The following SGCZ variants were observed in gnomAD, a reference collection of about 807,000 sequenced individuals.
SGCZ encodes the protein sarcoglycan zeta.
SGCZ carries 40 observed loss-of-function variants against 41.3 expected under a neutral mutation model. The observed-to-expected ratio is 0.97, with a 90% CI of 0.75 to 1.26. SGCZ has a LOEUF of 1.26. Ranked by LOEUF, SGCZ falls within the 50% of genes most tolerant of loss-of-function variation. SGCZ has a pLI of 0.00. For synonymous variants in SGCZ, 206 were observed against 137.5 expected (o/e 1.50, Z -3.49); for missense variants, 552 against 369.8 (o/e 1.49, Z -4.04).
intron 4 of SGCZ, among the ~76,000 whole-genome samples, chr8:14,168,240 G>C (rs1450017261): frequency 6.6e-6 from 1 of 152,116 alleles, no homozygotes; most frequent in Non-Finnish European, 1.5e-5. Flanking sequence ...GAAATTCCTG[G>C]TTTAGAATTG....
At chr8:15,159,927 G>C (rs556423591) in intron 1 of SGCZ, among the ~76,000 whole-genome samples, 2 of 151,826 alleles carry the variant, frequency 1.3e-5, no homozygotes, top group East Asian at 1.9e-4. Context: ...AGGCACTTAG[G>C]GGGAAAAAGG....
At chr8:15,159,337 A>AC (rs1381835682) in intron 1 of SGCZ, among the ~76,000 whole-genome samples, 2 of 151,928 alleles carry the variant, frequency 1.3e-5, no homozygotes, top group Non-Finnish European at 2.9e-5. Context: ...AAACTGAAAA[A>AC]AACATGGTTC....
chr8:15,220,587 T>C (rs1290560677), intron 1 of SGCZ, among the ~76,000 whole-genome samples: 2 of 152,120 alleles, frequency 1.3e-5, no homozygotes, highest in African/African-American at 2.4e-5. Context: ...AGTTCAACCA[T>C]TGTGGAAGAC....
At chr8:15,062,566 T>A (rs1014575767) in intron 1 of SGCZ, among the ~76,000 whole-genome samples, 1 of 152,158 alleles carries the variant, frequency 6.6e-6, no homozygotes, top group South Asian at 2.1e-4. Flanking sequence ...CTATTTCACT[T>A]ACTTTGGGAA....
intron 1 of SGCZ, among the ~76,000 whole-genome samples, chr8:15,120,582 A>G (rs1563136833): frequency 6.6e-6 from 1 of 152,206 alleles, no homozygotes. Context: ...TGATAATGTT[A>G]GCAATCTGGT....
In SGCZ at chr8:14,108,230, C is replaced by G; in HGVS notation, c.553G>C (p.Glu185Gln). ...ACAGAGTGCCCAAATACGGCTCCTT[C>G]AGTGCCTGGGGGTAGCATGAATATA... is the stretch of plus-strand genomic sequence containing the variant. ...GAEKLKVTGT[E>Q]GAVFGHSVET... The change falls in exon 6 of 8, where the codon GAA becomes CAA. Residue 185 changes from glutamate to glutamine, a missense_variant. Physicochemically the swap from Glu to Gln is conservative, Grantham distance 29. Coordinates refer to ENST00000382080, the MANE Select transcript of SGCZ (RefSeq NM_139167.4). 2 of 1,614,110 alleles carry G rather than the reference C, an allele frequency of 1.2e-6. No individual in the cohort carries two copies. The highest frequency in any genetic ancestry group is 2.2e-5 in the South Asian group (2 of 91,078).
chr8:15,142,662 G>A (rs755292045), intron 1 of SGCZ, among the ~76,000 whole-genome samples: 3 of 107,526 alleles, frequency 2.8e-5, no homozygotes, highest in Admixed American at 1.0e-4. Context: ...AATGCTTCCC[G>A]CCCCCACCCC....
chr8:15,153,345 G>A (rs1340784626), intron 1 of SGCZ, among the ~76,000 whole-genome samples: 1 of 152,184 alleles, frequency 6.6e-6, no homozygotes, highest in East Asian at 1.9e-4. Context: ...TGAAGCCAAA[G>A]TGGAATGTGC....
intron 3 of SGCZ, among the ~76,000 whole-genome samples, chr8:14,299,936 C>T (rs1031756040): frequency 5.9e-5 from 9 of 151,816 alleles, no homozygotes; most frequent in Admixed American, 2.6e-4. Flanking sequence ...GCTGAATGAT[C>T]AAACGTGGAT....
At chr8:14,518,143 A>G (rs1802680107) in intron 2 of SGCZ, among the ~76,000 whole-genome samples, 1 of 151,958 alleles carries the variant, frequency 6.6e-6, no homozygotes, top group African/African-American at 2.4e-5. Flanking sequence ...CTAAAAATAT[A>G]TTTCATCCCA....
intron 2 of SGCZ, among the ~76,000 whole-genome samples, chr8:14,450,164 C>A (rs545748415): frequency 2.0e-5 from 3 of 152,152 alleles, no homozygotes; most frequent in Non-Finnish European, 2.9e-5. Context: ...AAGGCCATGG[C>A]TGTGTGATGA....
chr8:14,293,902 A>C (rs1366937248), intron 3 of SGCZ, among the ~76,000 whole-genome samples: 1 of 151,830 alleles, frequency 6.6e-6, no homozygotes, highest in Non-Finnish European at 1.5e-5. Flanking sequence ...TAAAATATTT[A>C]TTTTAATAAA....
chr8:14,126,015 C>T (rs1046709769), intron 5 of SGCZ, among the ~76,000 whole-genome samples: 1 of 152,140 alleles, frequency 6.6e-6, no homozygotes, highest in African/African-American at 2.4e-5. Flanking sequence ...AAACCCAAAA[C>T]CATAAAAACC....
At chr8:15,082,074 C>T (rs1805771271) in intron 1 of SGCZ, among the ~76,000 whole-genome samples, 1 of 151,830 alleles carries the variant, frequency 6.6e-6, no homozygotes, top group Non-Finnish European at 1.5e-5. Flanking sequence ...ACTAAAAATA[C>T]AAAAATTAGC....
chr8:14,568,387 CTTAAAT>C (rs1804445620), intron 1 of SGCZ, among the ~76,000 whole-genome samples: 1 of 132,588 alleles, frequency 7.5e-6, no homozygotes, highest in South Asian at 2.4e-4. Flanking sequence ...TATCCCAGAA[CTTAAAT>C]TTAAAGAAAG....
intron 4 of SGCZ, among the ~76,000 whole-genome samples, chr8:14,220,834 G>A (rs1363601637): frequency 6.6e-6 from 1 of 151,818 alleles, no homozygotes; most frequent in Non-Finnish European, 1.5e-5. Flanking sequence ...AAAAAAGATT[G>A]TAGCCACTTC....
intron 2 of SGCZ, among the ~76,000 whole-genome samples, chr8:14,406,908 T>C (rs1799226241): frequency 6.6e-6 from 1 of 152,162 alleles, no homozygotes; most frequent in African/African-American, 2.4e-5. Context: ...ATACTGCTAC[T>C]TCAATACAAT....
chr8:14,361,630 C>T (rs1261047979), intron 2 of SGCZ, among the ~76,000 whole-genome samples: 1 of 152,152 alleles, frequency 6.6e-6, no homozygotes, highest in Non-Finnish European at 1.5e-5. Context: ...AGAACATGCT[C>T]CGTTAGCTCA....
At chr8:14,798,208 C>T (rs1273371730) in intron 1 of SGCZ, among the ~76,000 whole-genome samples, 1 of 152,126 alleles carries the variant, frequency 6.6e-6, no homozygotes, top group African/African-American at 2.4e-5. Flanking sequence ...AACTCCCACC[C>T]AGTTGATATA....
Sources: allele counts gnomAD v4.1 joint callset (sites outside exome capture counted in the v4.1 genomes callset), GRCh38; gene constraint gnomAD v4.1.1; transcripts MANE v1.5; gene names NCBI Gene and HGNC (gene_info 2026-07-23, HGNC 2026-07-21).